Variants in TP63 observed in about 807,000 individuals in gnomAD.
TP63 encodes tumor protein p63, also known as tumor protein 63.
In TP63, 17 loss-of-function variants were observed where a neutral mutation model predicts 82.8. The ratio of observed to expected loss-of-function variants is 0.21; its 90% CI spans 0.14 to 0.31. TP63 has a LOEUF of 0.31. TP63 is among the 10% of genes least tolerant of loss of function. The pLI is 1.00. For missense variants in TP63, 648 were observed against 895.3 expected, an observed-to-expected ratio of 0.72 and a Z score of 3.52; for synonymous variants, 330 against 321.7, an observed-to-expected ratio of 1.03 and a Z score of -0.28.
chr3:189,665,776 G>A (rs1714333353), intron 1 of TP63, among the ~76,000 whole-genome samples: 1 of 152,064 alleles, frequency 6.6e-6, no homozygotes. Context: ...ATAAAAGTCA[G>A]CTAATTCCTA....
intron 10 of TP63, among the ~76,000 whole-genome samples, chr3:189,874,425 T>C (rs1439876322): frequency 1.3e-5 from 2 of 152,174 alleles, no homozygotes; most frequent in African/African-American, 4.8e-5. Flanking sequence ...AGAAACACTT[T>C]CTGAGCACCT....
chr3:189,612,948 G>T, the TP63 span, among the ~76,000 whole-genome samples: 2 of 152,218 alleles, frequency 1.3e-5, no homozygotes, highest in South Asian at 4.1e-4. Flanking sequence ...AAGCATTCAA[G>T]AGGTGACTTG....
intron 1 of TP63, among the ~76,000 whole-genome samples, chr3:189,672,651 A>G (rs1715003182): frequency 8.4e-6 from 1 of 119,410 alleles, no homozygotes; most frequent in Non-Finnish European, 1.8e-5. Context: ...GGAGGGAGGG[A>G]GGAAGGAAGG....
At chr3:189,658,254 C>T (rs1278307806) in intron 1 of TP63, among the ~76,000 whole-genome samples, 1 of 151,932 alleles carries the variant, frequency 6.6e-6, no homozygotes, top group Non-Finnish European at 1.5e-5. Context: ...TTCATGATTC[C>T]ACACTAATAT....
chr3:189,725,319 G>C (rs1200821367), intron 1 of TP63, among the ~76,000 whole-genome samples: 1 of 152,034 alleles, frequency 6.6e-6, no homozygotes, highest in African/African-American at 2.4e-5. Context: ...CTTTCAAATA[G>C]GGTTAAAGCA....
rs556300145 is a variant in TP63 at position 189,757,213 on chromosome 3, G to A, written c.324+18439G>A. ...GTGACTTCTCCAACATTTCTGATAA[G>A]CATTTTTAAGAAAACCAGGGCTACA... On this transcript the variant is annotated intron_variant, in intron 3 of 13. Coordinates refer to ENST00000264731, the MANE Select transcript of TP63 (RefSeq NM_003722.5). Among the ~76,000 whole-genome samples, 9 of 152,258 alleles carry A rather than the reference G, an allele frequency of 5.9e-5. 1 individual carries two copies. In the South Asian group the frequency reaches 1.9e-3, roughly 32 times the overall value.
At position 189,636,213 on chromosome 3, in the gene TP63, C is replaced by T. The variant is rs1048226205; in HGVS notation, c.62+4636C>T. On this transcript the variant is annotated intron_variant, in intron 1 of 13. Coordinates refer to ENST00000264731, the MANE Select transcript of TP63 (RefSeq NM_003722.5). ...AGCACAATGCCGCTCTATTACCATG[C>T]GCTGCGTCTGAGCGGTGAGTGCATT... 1.1e-4 allele frequency among the ~76,000 whole-genome samples: 17 copies of T among 152,122 alleles called. 1 individual carries two copies. Among genetic ancestry groups the T allele is most frequent in the Admixed American group, 3.3e-4 (5 of 15,268 alleles).
chr3:189,680,288 T>G (rs1715797017), intron 1 of TP63, among the ~76,000 whole-genome samples: 1 of 152,088 alleles, frequency 6.6e-6, no homozygotes, highest in East Asian at 1.9e-4. Context: ...TTTTGTAGTT[T>G]TAAGTGTATG....
At chr3:189,852,119 A>G (rs765923979) in intron 4 of TP63, among the ~76,000 whole-genome samples, 1 of 152,204 alleles carries the variant, frequency 6.6e-6, no homozygotes, top group Non-Finnish European at 1.5e-5. Context: ...GAGGAGGCAG[A>G]ATTTAAATAG....
the TP63 span, among the ~76,000 whole-genome samples, chr3:189,614,853 G>A: frequency 1.3e-5 from 2 of 152,122 alleles, no homozygotes; most frequent in African/African-American, 2.4e-5. Context: ...TTTGGGAACC[G>A]AACTGGACAC....
At chr3:189,813,843 C>T (rs889585438) in intron 4 of TP63, among the ~76,000 whole-genome samples, 1 of 152,162 alleles carries the variant, frequency 6.6e-6, no homozygotes, top group Non-Finnish European at 1.5e-5. Context: ...CAGCAGGAGC[C>T]CTCAATTCTG....
chr3:189,813,997 G>C (rs553080266), intron 4 of TP63, among the ~76,000 whole-genome samples: 1 of 152,270 alleles, frequency 6.6e-6, no homozygotes, highest in East Asian at 1.9e-4. Flanking sequence ...AGCAAGTGGA[G>C]AGATTAGGGA....
chr3:189,655,027 A>T (rs538958304), intron 1 of TP63, among the ~76,000 whole-genome samples: 1 of 152,152 alleles, frequency 6.6e-6, no homozygotes, highest in Non-Finnish European at 1.5e-5. Context: ...TTAAGTCTTG[A>T]TCATCGGTTA....
chr3:189,604,766 A>G, the TP63 span, among the ~76,000 whole-genome samples: 1 of 152,224 alleles, frequency 6.6e-6, no homozygotes, highest in Admixed American at 6.5e-5. Flanking sequence ...AATATTAACA[A>G]AATTGGAAAA....
intron 3 of TP63, among the ~76,000 whole-genome samples, chr3:189,805,274 C>T (rs910210885): frequency 6.6e-6 from 1 of 152,152 alleles, no homozygotes; most frequent in African/African-American, 2.4e-5. Flanking sequence ...TCAAAATTGT[C>T]ACTAGCTTTT....
At chr3:189,636,444 C>G (rs1004780653) in intron 1 of TP63, among the ~76,000 whole-genome samples, 2 of 152,102 alleles carry the variant, frequency 1.3e-5, no homozygotes, top group African/African-American at 4.8e-5. Context: ...AAACTCAACT[C>G]AACTCTGAAA....
chr3:189,703,216 T>G (rs1717944241), intron 1 of TP63, among the ~76,000 whole-genome samples: 1 of 152,138 alleles, frequency 6.6e-6, no homozygotes, highest in Non-Finnish European at 1.5e-5. Flanking sequence ...AGCGGATTTG[T>G]TGAGCTCAGG....
chr3:189,689,104 CTTT>C (rs776704674), intron 1 of TP63, among the ~76,000 whole-genome samples: 1 of 68,282 alleles, frequency 1.5e-5, no homozygotes, highest in African/African-American at 9.7e-5. Context: ...CTACCTTTTT[CTTT>C]TTTTTTTTTT....
chr3:189,692,340 TTTC>T (rs1463200400), intron 1 of TP63, among the ~76,000 whole-genome samples: 1 of 152,108 alleles, frequency 6.6e-6, no homozygotes, highest in African/African-American at 2.4e-5. Context: ...TCTCTATTTC[TTTC>T]TTCTTTTCAT....
Sources: allele counts gnomAD v4.1 joint callset (sites outside exome capture counted in the v4.1 genomes callset), GRCh38; gene constraint gnomAD v4.1.1; transcripts MANE v1.5; gene names NCBI Gene and HGNC (gene_info 2026-07-23, HGNC 2026-07-21).